The following SCN11A variants were observed in gnomAD, a reference collection of about 807,000 sequenced individuals.
SCN11A encodes the protein sodium voltage-gated channel alpha subunit 11, also known as sodium channel protein type 11 subunit alpha.
In SCN11A, 122 loss-of-function variants were observed where a neutral mutation model predicts 162.2. The ratio of observed to expected loss-of-function variants is 0.75; its 90% CI spans 0.65 to 0.87. The LOEUF (loss-of-function observed/expected upper bound fraction) is 0.87. SCN11A is among the 40% of genes least tolerant of loss of function. The probability of loss-of-function intolerance (pLI) is 0.00; values close to 1 mark genes in which losing one functional copy is unlikely to be tolerated. For missense variants in SCN11A, 2,015 were observed against 2,181.6 expected (o/e 0.92, Z 1.52); for synonymous variants, 758 against 751.5 (o/e 1.01, Z -0.14).
At chr3:39,010,643 G>C (rs920051892) in intron 2 of SCN11A, among the ~76,000 whole-genome samples, 1 of 152,278 alleles carries the variant, frequency 6.6e-6, no homozygotes, top group South Asian at 2.1e-4. Context: ...CTCCCAAAGT[G>C]ATGGGATTAC....
chr3:38,864,937 G>A (rs1474982391), intron 27 of SCN11A, among the ~76,000 whole-genome samples: 1 of 152,162 alleles, frequency 6.6e-6, no homozygotes, highest in African/African-American at 2.4e-5. Context: ...TAAAGGCTCA[G>A]ACCAATTTGA....
At chr3:38,921,338 C>G in intron 9 of SCN11A, 83 bp from the exon 10 acceptor site, 1 of 1,323,974 alleles carries the variant, frequency 7.6e-7, no homozygotes, top group Non-Finnish European at 1.1e-6. Flanking sequence ...CAACTGAAGT[C>G]TCGGAAACTG....
intron 2 of SCN11A, among the ~76,000 whole-genome samples, chr3:39,005,299 A>C (rs1456507856): frequency 6.6e-6 from 1 of 152,190 alleles, no homozygotes; most frequent in African/African-American, 2.4e-5. Context: ...CTGAGTATAA[A>C]ACAGTATAAA....
At chr3:38,939,721 T>A (rs1226418815) in intron 7 of SCN11A, among the ~76,000 whole-genome samples, 1 of 151,968 alleles carries the variant, frequency 6.6e-6, no homozygotes, top group Non-Finnish European at 1.5e-5. Flanking sequence ...CTGACCAACA[T>A]GGAGAAACCC....
Position 38,850,490 on chromosome 3 carries a change from A to G in SCN11A, c.4318T>C (p.Ser1440Pro). 1.2e-6 allele frequency: 2 copies of G among 1,612,068 alleles called. No homozygotes were observed. Among genetic ancestry groups the G allele is most frequent in the Non-Finnish European group, 1.7e-6 (2 of 1,178,826 alleles). Residue 1440 changes from serine (S) to proline (P), a missense_variant, in exon 29 of 30, where the codon TCC becomes CCC. Transcript: ENST00000302328. ...NLFDCVVVLL[S>P]IVSTMISTLE... ...TGCTGATTTTACTTACTAACAATGGAAAGAAGCACGACCACACAGTCAAAT... is the reference window on the plus strand; with the variant it reads ...TGCTGATTTTACTTACTAACAATGGGAAGAAGCACGACCACACAGTCAAAT...
intron 2 of SCN11A, among the ~76,000 whole-genome samples, chr3:39,007,869 G>T (rs2031020064): frequency 6.6e-6 from 1 of 152,212 alleles, no homozygotes; most frequent in Admixed American, 6.5e-5. Flanking sequence ...TAGCAAAGTT[G>T]GAGAGAAGTG....
chr3:38,850,510 T>A lies in SCN11A; in HGVS notation c.4298A>T (p.Asp1433Val), dbSNP rs1416899628. 6 of 1,613,808 alleles carry A rather than the reference T, an allele frequency of 3.7e-6. No homozygotes were observed. The Admixed American group carries it at 6.7e-5, about 18-fold the overall frequency. Reference protein sequence around the residue: ...YYFTNGWNLFDCVVVLLSIVS... With the variant: ...YYFTNGWNLFVCVVVLLSIVS... ...AATGGAAAGAAGCACGACCACACAG[T>A]CAAATAAATTCCAGCCATTGGTGAA... Residue 1433 changes from aspartate (D) to valine (V), a missense_variant, in exon 29 of 30, where the codon GAC becomes GTC. Coordinates refer to ENST00000302328, the MANE Select transcript of SCN11A (RefSeq NM_001349253.2).
At chr3:38,935,086 G>A (rs1192495399) in intron 7 of SCN11A, among the ~76,000 whole-genome samples, 11 of 152,034 alleles carry the variant, frequency 7.2e-5, no homozygotes, top group East Asian at 1.9e-4. Flanking sequence ...ACTCAAAACC[G>A]CTCAACTACG....
At chr3:38,884,269 C>T (rs1288790629) in intron 21 of SCN11A, among the ~76,000 whole-genome samples, 1 of 144,254 alleles carries the variant, frequency 6.9e-6, no homozygotes, top group African/African-American at 2.9e-5. Flanking sequence ...AACCACCTTT[C>T]TTTCTCATCT....
At chr3:38,946,552 A>G (rs1007640907) in intron 6 of SCN11A, among the ~76,000 whole-genome samples, 5 of 152,122 alleles carry the variant, frequency 3.3e-5, no homozygotes, top group Admixed American at 6.5e-5. Context: ...CACACGACCA[A>G]TCTCACTAAA....
intron 2 of SCN11A, among the ~76,000 whole-genome samples, chr3:39,012,479 TCTCTTTC>T (rs1233186875): frequency 1.4e-5 from 2 of 138,824 alleles, no homozygotes; most frequent in African/African-American, 3.1e-5. Flanking sequence ...TCTCTCTTTC[TCTCTTTC>T]TTTTTTTTTT....
At chr3:38,887,116 T>C (rs955556648) in intron 19 of SCN11A, among the ~76,000 whole-genome samples, 3 of 152,196 alleles carry the variant, frequency 2.0e-5, no homozygotes, top group Non-Finnish European at 4.4e-5. Context: ...ACACGCCATG[T>C]TCTTTTATGT....
At chr3:39,039,757 C>A (rs1046327537) in intron 1 of SCN11A, among the ~76,000 whole-genome samples, 1 of 152,118 alleles carries the variant, frequency 6.6e-6, no homozygotes, top group African/African-American at 2.4e-5. Context: ...GCATGGGCAC[C>A]CCTAGAGACC....
intron 12 of SCN11A, among the ~76,000 whole-genome samples, chr3:38,909,584 T>A (rs1319639789): frequency 8.9e-6 from 1 of 112,606 alleles, no homozygotes; most frequent in African/African-American, 5.3e-5. Flanking sequence ...TTGAAGTTTC[T>A]TTTTTTTTTT....
At chr3:38,914,636 C>A (rs1054066785) in intron 11 of SCN11A, among the ~76,000 whole-genome samples, 1 of 151,998 alleles carries the variant, frequency 6.6e-6, no homozygotes, top group African/African-American at 2.4e-5. Flanking sequence ...TCATAGATGG[C>A]TCTTATTATT....
intron 23 of SCN11A, among the ~76,000 whole-genome samples, chr3:38,872,817 AAG>A (rs2065151338): frequency 1.3e-5 from 2 of 152,300 alleles, no homozygotes; most frequent in East Asian, 1.9e-4. Context: ...GGGGGAAAAA[AAG>A]AGAGAAAAAA....
intron 19 of SCN11A, among the ~76,000 whole-genome samples, chr3:38,887,694 T>A (rs4132644): frequency 0.25 from 38,540 of 152,146 alleles, 5,032 homozygotes; most frequent in Middle Eastern, 0.3. Context: ...CTGGCACAGA[T>A]AATAAGAGAA....
chr3:38,846,924 G>A lies in SCN11A; in HGVS notation c.5146C>T (p.Pro1716Ser), dbSNP rs1253664168. The change falls in exon 30 of 30, where the codon CCT becomes TCT. Residue 1716 changes from proline to serine, a missense_variant. Coordinates refer to ENST00000302328, the MANE Select transcript of SCN11A (RefSeq NM_001349253.2). ...ATGGGTTCATACAACTTCTTGAGAG[G>A]ATTGGCTTCCATGAACTTCTCTTCC... is the stretch of plus-strand genomic sequence containing the variant. ...MMEEKFMEAN[P>S]LKKLYEPIVT... 1.9e-6 allele frequency: 3 copies of A among 1,613,984 alleles called. No individual in the cohort carries two copies. Among genetic ancestry groups the A allele is most frequent in the South Asian group, 1.1e-5 (1 of 91,058 alleles).
chr3:38,857,289 G>A (rs2064885381), intron 28 of SCN11A, among the ~76,000 whole-genome samples: 1 of 151,848 alleles, frequency 6.6e-6, no homozygotes, highest in Non-Finnish European at 1.5e-5. Context: ...ATTTTCCAGA[G>A]AAATAGATAT....
Sources: gnomAD v4.1 joint callset for allele counts (sites outside exome capture counted in the v4.1 genomes callset) on GRCh38, gnomAD v4.1.1 for gene constraint, MANE v1.5 for transcripts, NCBI Gene and HGNC (gene_info 2026-07-23, HGNC 2026-07-21) for gene names.